MAP3K7: variants seen among roughly 807,000 people sequenced by gnomAD.
MAP3K7 encodes the protein TGF-beta activated kinase 1.
MAP3K7 carries 21 observed loss-of-function variants against 84.8 expected under a neutral mutation model. That is an observed-to-expected ratio of 0.25 (90% CI 0.18 to 0.36). The LOEUF is 0.36. Ranked by LOEUF, MAP3K7 falls within the 10% of genes least tolerant of loss-of-function variation. MAP3K7 has a pLI of 1.00. For synonymous variants in MAP3K7, 241 were observed against 247.7 expected, an observed-to-expected ratio of 0.97 and a Z score of 0.25; for missense variants, 503 against 747.7, an observed-to-expected ratio of 0.67 and a Z score of 3.82.
At chr6:90,520,456 C>T (rs921165578) in intron 14 of MAP3K7, among the ~76,000 whole-genome samples, 6 of 151,560 alleles carry the variant, frequency 4.0e-5, no homozygotes, top group South Asian at 2.1e-4. Context: ...AGCTAATTAG[C>T]GAAATCAGAC....
At chr6:90,584,596 G>T (rs933364119) in intron 1 of MAP3K7, among the ~76,000 whole-genome samples, 1 of 152,054 alleles carries the variant, frequency 6.6e-6, no homozygotes, top group Non-Finnish European at 1.5e-5. Context: ...TAGCTTTAGG[G>T]GAAGAACATC....
intron 12 of MAP3K7, among the ~76,000 whole-genome samples, chr6:90,539,568 TCTGGAGGAAATATTTAATAA>T (rs1775789716): frequency 6.6e-6 from 1 of 151,856 alleles, no homozygotes. Context: ...GCTGCAGTAG[TCTGGAGGAAATATTTAATAA>T]CTTACATGCT....
intron 13 of MAP3K7, among the ~76,000 whole-genome samples, chr6:90,534,728 T>A (rs1775610827): frequency 6.6e-6 from 1 of 152,192 alleles, no homozygotes; most frequent in South Asian, 2.1e-4. Flanking sequence ...ACTTTTATTC[T>A]AGAGTCTACA....
chr6:90,559,926 G>T (rs935661778), intron 5 of MAP3K7, 150 bp downstream of exon 5: 15 of 737,090 alleles, frequency 2.0e-5, no homozygotes, highest in Non-Finnish European at 2.4e-5. Context: ...AAATGATGAA[G>T]GTGAGTTAAA....
At position 90,536,470 on chromosome 6, in the gene MAP3K7, C is replaced by T. The variant is rs953969816; in HGVS notation, c.1292-69G>A. 4 of 1,216,638 alleles carry T rather than the reference C, an allele frequency of 3.3e-6. No homozygotes were observed. In the African/African-American group the frequency reaches 4.6e-5, roughly 14 times the overall value. 75.4% of individuals were successfully genotyped at this position (1,216,638 alleles called of 1,614,324 possible). A position where few individuals can be genotyped will look rare whatever the true frequency, so the allele number is the denominator to read the frequency against. ...ACAGACAAAAAGCGTGTAATTGCTA[C>T]AGCAGAAAGTTGGAATTTGTTGCTC... On this transcript the variant is annotated intron_variant, in intron 12 of 16. Coordinates refer to ENST00000369329, the MANE Select transcript of MAP3K7 (RefSeq NM_145331.3).
chr6:90,577,749 T>C (rs556613413), intron 1 of MAP3K7, among the ~76,000 whole-genome samples: 1 of 152,358 alleles, frequency 6.6e-6, no homozygotes, highest in South Asian at 2.1e-4. Flanking sequence ...TGGATATTTA[T>C]TAGAAATATA....
At chr6:90,567,558 G>A in intron 3 of MAP3K7, among the ~76,000 whole-genome samples, 1 of 152,144 alleles carries the variant, frequency 6.6e-6, no homozygotes. Context: ...AAAAAGTCAG[G>A]AAACAACAGG....
At chr6:90,548,521 T>C (rs1380633433) in intron 9 of MAP3K7, among the ~76,000 whole-genome samples, 1 of 152,100 alleles carries the variant, frequency 6.6e-6, no homozygotes, top group Non-Finnish European at 1.5e-5. Flanking sequence ...TGGAAAATAT[T>C]AAGTTTGAGT....
intron 8 of MAP3K7, chr6:90,551,092 CTT>C (rs1265174559): frequency 1.3e-5 from 2 of 152,544 alleles, no homozygotes; most frequent in Non-Finnish European, 2.9e-5. Context: ...ACTGCAATAA[CTT>C]ATATATCCTA....
chr6:90,529,606 C>G (rs1455584210), intron 13 of MAP3K7, among the ~76,000 whole-genome samples: 1 of 151,956 alleles, frequency 6.6e-6, no homozygotes, highest in Admixed American at 6.6e-5. Flanking sequence ...CTCTAAGACT[C>G]AATAGGAAAA....
chr6:90,544,698 A>C, intron 11 of MAP3K7, 66 bp from the exon 12 acceptor site: 1 of 1,297,430 alleles, frequency 7.7e-7, no homozygotes, highest in Non-Finnish European at 1.1e-6. Flanking sequence ...AAAATGATTA[A>C]CTACAAAAAT....
intron 12 of MAP3K7, among the ~76,000 whole-genome samples, 200 bp downstream of exon 12, chr6:90,544,352 C>T (rs889412960): frequency 5.9e-5 from 9 of 152,090 alleles, no homozygotes; most frequent in Admixed American, 3.3e-4. Context: ...CTATTTTATC[C>T]TCACTTATTG....
chr6:90,540,448 T>C (rs945425483), intron 12 of MAP3K7, among the ~76,000 whole-genome samples: 1 of 151,880 alleles, frequency 6.6e-6, no homozygotes, highest in African/African-American at 2.4e-5. Flanking sequence ...ATTAAAAATG[T>C]CTGTAATTTA....
At chr6:90,523,624 G>A (rs1391386290) in intron 14 of MAP3K7, 54 bp downstream of exon 14, 2 of 1,186,116 alleles carry the variant, frequency 1.7e-6, no homozygotes, top group Non-Finnish European at 2.5e-6. Context: ...ATGGCCAAAT[G>A]AATATAAACA....
intron 3 of MAP3K7, among the ~76,000 whole-genome samples, chr6:90,562,805 T>C (rs1466214761): frequency 1.3e-5 from 2 of 152,204 alleles, no homozygotes; most frequent in Non-Finnish European, 2.9e-5. Flanking sequence ...CTGAGTAGCC[T>C]AACTGGGAGA....
intron 12 of MAP3K7, among the ~76,000 whole-genome samples, chr6:90,539,018 C>T (rs1228729618): frequency 6.6e-6 from 1 of 151,850 alleles, no homozygotes; most frequent in African/African-American, 2.4e-5. Flanking sequence ...CATTATGGGA[C>T]ACCATTCTCT....
chr6:90,560,707 T>C (rs1436264948), intron 4 of MAP3K7, among the ~76,000 whole-genome samples: 2 of 152,220 alleles, frequency 1.3e-5, no homozygotes, highest in Non-Finnish European at 2.9e-5. Context: ...CTACTAATTT[T>C]GAGTGGATAA....
At chr6:90,585,978 AGACTTGAT>A (rs1310584965) in intron 1 of MAP3K7, among the ~76,000 whole-genome samples, 3 of 152,228 alleles carry the variant, frequency 2.0e-5, no homozygotes, top group African/African-American at 7.2e-5. Flanking sequence ...ACACTTTATT[AGACTTGAT>A]GATCTACTAA....
chr6:90,554,172 G>A (rs1028537726), intron 6 of MAP3K7, among the ~76,000 whole-genome samples: 1 of 152,214 alleles, frequency 6.6e-6, no homozygotes. Context: ...CTCCCGAGGC[G>A]CTGGGATCAC....
Sources: gnomAD v4.1 joint callset for allele counts (sites outside exome capture counted in the v4.1 genomes callset) on GRCh38, gnomAD v4.1.1 for gene constraint, MANE v1.5 for transcripts, NCBI Gene and HGNC (gene_info 2026-07-23, HGNC 2026-07-21) for gene names.